The following DPP10 variants were observed in gnomAD, a reference collection of about 807,000 sequenced individuals.
DPP10 encodes dipeptidyl peptidase like 10, also known as inactive dipeptidyl peptidase 10.
DPP10 carries 33 observed loss-of-function variants against 120.9 expected under a neutral mutation model. The observed-to-expected ratio is 0.27, with a 90% confidence interval of 0.21 to 0.37. The LOEUF (loss-of-function observed/expected upper bound fraction) is 0.37, where lower values mean the gene tolerates loss of function less well. Ranked by LOEUF, DPP10 falls within the 10% of genes least tolerant of loss-of-function variation. The pLI is 1.00. For missense variants in DPP10, 816 were observed against 942.8 expected, an observed-to-expected ratio of 0.87 and a Z score of 1.76; for synonymous variants, 337 against 326.1, an observed-to-expected ratio of 1.03 and a Z score of -0.36.
intron 1 of DPP10, among the ~76,000 whole-genome samples, chr2:115,171,358 C>CAAAAAA (rs752738778): frequency 1.7e-5 from 2 of 114,362 alleles, no homozygotes; most frequent in Non-Finnish European, 3.8e-5. Flanking sequence ...GAGACTCCAT[C>CAAAAAA]AAAAAAAAAA....
intron 5 of DPP10, among the ~76,000 whole-genome samples, chr2:115,594,818 G>A (rs780965753): frequency 5.9e-5 from 9 of 152,066 alleles, no homozygotes; most frequent in Non-Finnish European, 1.2e-4. Context: ...GGTTACTTCT[G>A]TGGCATACAA....
At chr2:115,764,335 T>C (rs527340489) in intron 12 of DPP10, among the ~76,000 whole-genome samples, 1 of 152,246 alleles carries the variant, frequency 6.6e-6, no homozygotes, top group Non-Finnish European at 1.5e-5. Context: ...CAGATAAATG[T>C]TTGTATATAT....
At chr2:115,803,829 G>C (rs1004384934) in intron 19 of DPP10, among the ~76,000 whole-genome samples, 2 of 152,068 alleles carry the variant, frequency 1.3e-5, no homozygotes, top group Admixed American at 6.6e-5. Flanking sequence ...TCCCTTTGTG[G>C]GTAACCCGAC....
At chr2:114,980,708 G>T (rs1229302543) in intron 1 of DPP10, among the ~76,000 whole-genome samples, 7 of 150,886 alleles carry the variant, frequency 4.6e-5, no homozygotes, top group Non-Finnish European at 8.8e-5. Flanking sequence ...ACAATCCCAG[G>T]TTCAATTAAC....
chr2:115,379,441 C>CT (rs1274940488), intron 3 of DPP10, among the ~76,000 whole-genome samples: 1 of 152,088 alleles, frequency 6.6e-6, no homozygotes, highest in African/African-American at 2.4e-5. Context: ...ATTCTTCTCT[C>CT]TTTTTTTGTT....
intron 5 of DPP10, among the ~76,000 whole-genome samples, chr2:115,635,747 C>G (rs2086270691): frequency 6.6e-6 from 1 of 152,092 alleles, no homozygotes; most frequent in Non-Finnish European, 1.5e-5. Flanking sequence ...CACCAGATAT[C>G]CAGTCAGCAC....
intron 3 of DPP10, among the ~76,000 whole-genome samples, chr2:115,476,191 A>C (rs1193107267): frequency 1.3e-5 from 2 of 152,116 alleles, no homozygotes; most frequent in African/African-American, 4.8e-5. Context: ...GCCTGATTTG[A>C]GGTGATTGGA....
intron 1 of DPP10, among the ~76,000 whole-genome samples, chr2:114,780,833 T>G (rs1257859113): frequency 6.6e-6 from 1 of 152,110 alleles, no homozygotes; most frequent in Non-Finnish European, 1.5e-5. Context: ...ATGAAAATGT[T>G]GCACATGTTG....
intron 1 of DPP10, among the ~76,000 whole-genome samples, chr2:114,556,234 C>CACATATATATAT (rs1688288712): frequency 2.3e-5 from 2 of 86,956 alleles, no homozygotes; most frequent in African/African-American, 9.2e-5. Flanking sequence ...ATAGATGATA[C>CACATATATATAT]ATATATATAT....
At chr2:115,184,605 A>T (rs900975178) in intron 1 of DPP10, among the ~76,000 whole-genome samples, 4 of 152,238 alleles carry the variant, frequency 2.6e-5, no homozygotes, top group Non-Finnish European at 5.9e-5. Flanking sequence ...AGCCGGCTCT[A>T]ATTAATGACC....
intron 1 of DPP10, among the ~76,000 whole-genome samples, chr2:114,862,112 C>A (rs1418173103): frequency 1.3e-5 from 2 of 152,074 alleles, no homozygotes; most frequent in Non-Finnish European, 2.9e-5. Context: ...TTTTATTACC[C>A]ATTTCAAAAT....
chr2:115,221,170 A>G (rs797010348), intron 1 of DPP10, among the ~76,000 whole-genome samples: 1 of 152,086 alleles, frequency 6.6e-6, no homozygotes, highest in African/African-American at 2.4e-5. Context: ...AAAGTACGTC[A>G]CAAAGAAATT....
intron 1 of DPP10, among the ~76,000 whole-genome samples, chr2:114,862,240 A>C (rs1480177463): frequency 1.3e-5 from 2 of 149,824 alleles, no homozygotes; most frequent in African/African-American, 4.9e-5. Flanking sequence ...ATACAGTTCC[A>C]TCTGGAAAGC....
rs1678835764 is a variant in DPP10, at chr2:115,752,257, G to C, written c.951-917G>C. On this transcript the variant is annotated intron_variant, in intron 10 of 25. Coordinates refer to ENST00000410059, the MANE Select transcript of DPP10 (RefSeq NM_020868.6). ...AAAGTAACTGATCTGTTCTGAAACT[G>C]GGCAAGTTTTTAGAGAAGTTTTTTT... Among the ~76,000 whole-genome samples, 4 of 152,166 alleles carry C rather than the reference G, an allele frequency of 2.6e-5. No homozygotes were observed. In the South Asian group the frequency reaches 6.2e-4, roughly 24 times the overall value.
intron 2 of DPP10, among the ~76,000 whole-genome samples, chr2:115,319,191 G>C (rs1227808453): frequency 1.3e-5 from 2 of 151,888 alleles, no homozygotes; most frequent in Non-Finnish European, 2.9e-5. Flanking sequence ...ACTATATGTT[G>C]TATTACATTG....
intron 1 of DPP10, among the ~76,000 whole-genome samples, chr2:114,904,868 G>A (rs1360864126): frequency 1.3e-5 from 2 of 152,100 alleles, no homozygotes; most frequent in African/African-American, 4.8e-5. Flanking sequence ...TAGATAGTTG[G>A]GGGCAGAACT....
chr2:114,645,099 G>T (rs1307504126), intron 1 of DPP10, among the ~76,000 whole-genome samples: 1 of 149,904 alleles, frequency 6.7e-6, no homozygotes, highest in Non-Finnish European at 1.5e-5. Flanking sequence ...ATGAGTGACG[G>T]GAATAAGTGC....
chr2:115,261,315 A>G lies in DPP10; in HGVS notation c.61-47924A>G, dbSNP rs541024294. 3.9e-5 allele frequency among the ~76,000 whole-genome samples: 6 copies of G among 152,324 alleles called. No individual in the cohort carries two copies. In the South Asian group the frequency reaches 1.0e-3, roughly 26 times the overall value. ...TAGTAAGCCTAAAGGGCACTGAGCA[A>G]TACAACTACTTTGGTGGATCGTTTC... On this transcript the variant is annotated intron_variant, in intron 1 of 25. Coordinates refer to ENST00000410059, the MANE Select transcript of DPP10 (RefSeq NM_020868.6).
intron 3 of DPP10, among the ~76,000 whole-genome samples, chr2:115,350,092 T>C (rs1469459348): frequency 3.3e-5 from 5 of 152,124 alleles, no homozygotes; most frequent in African/African-American, 1.2e-4. Context: ...CTTGCATAGA[T>C]TCTAGATGCA....
Sources: allele counts gnomAD v4.1 joint callset (sites outside exome capture counted in the v4.1 genomes callset), GRCh38; gene constraint gnomAD v4.1.1; transcripts MANE v1.5; gene names NCBI Gene and HGNC (gene_info 2026-07-23, HGNC 2026-07-21).